SKAP2: variants seen among roughly 807,000 people sequenced by gnomAD.
SKAP2 encodes the protein src kinase-associated phosphoprotein 2.
Under a neutral mutation model 54.9 loss-of-function variants are expected in SKAP2, and 28 were observed. The observed-to-expected ratio is 0.51, with a 90% CI of 0.38 to 0.70. The LOEUF is 0.70. Ranked by LOEUF, SKAP2 falls within the 30% of genes least tolerant of loss-of-function variation. The pLI is 0.00. For synonymous variants in SKAP2, 137 were observed against 134.3 expected, an observed-to-expected ratio of 1.02 and a Z score of -0.14; for missense variants, 356 against 424.1, an observed-to-expected ratio of 0.84 and a Z score of 1.41.
intron 6 of SKAP2, among the ~76,000 whole-genome samples, chr7:26,731,635 C>T (rs907393949): frequency 1.3e-5 from 2 of 152,166 alleles, no homozygotes; most frequent in East Asian, 1.9e-4. Context: ...GTCCTATAGG[C>T]TCATTGAATA....
chr7:26,784,125 CA>C (rs376577431), intron 4 of SKAP2, among the ~76,000 whole-genome samples: 8,367 of 138,704 alleles, frequency 0.06, 322 homozygotes, highest in Non-Finnish European at 0.089. Flanking sequence ...AGGGACATTC[CA>C]AAAAAAAAAA....
chr7:26,678,692 C>T (rs1024079949), intron 11 of SKAP2, among the ~76,000 whole-genome samples: 4 of 152,066 alleles, frequency 2.6e-5, no homozygotes, highest in African/African-American at 9.7e-5. Flanking sequence ...CCTCCTGCCT[C>T]GGCCTCCCAA....
chr7:26,814,124 G>C lies in SKAP2; in HGVS notation c.307+29906C>G, dbSNP rs3823937. ...ATTTACTAATTAAAAATATTTATAA[G>C]AGTACATTTTTGTTTAACAAAAGCA... On this transcript the variant is annotated intron_variant, in intron 4 of 12. Coordinates refer to ENST00000345317, the MANE Select transcript of SKAP2 (RefSeq NM_003930.5). 2.1e-3 allele frequency among the ~76,000 whole-genome samples: 308 copies of C among 147,864 alleles called. 7 individuals are homozygous for C. The East Asian group carries it at 0.045, about 22-fold the overall frequency.
intron 4 of SKAP2, among the ~76,000 whole-genome samples, chr7:26,833,287 T>G (rs2127992990): frequency 6.6e-6 from 1 of 151,238 alleles, no homozygotes; most frequent in East Asian, 2.0e-4. Context: ...TCCCAGCTAC[T>G]CAGGAGGCTG....
intron 4 of SKAP2, among the ~76,000 whole-genome samples, chr7:26,801,838 T>G (rs1450161851): frequency 6.6e-6 from 1 of 152,118 alleles, no homozygotes; most frequent in Non-Finnish European, 1.5e-5. Context: ...AAAATACTTA[T>G]AAAGAAAATT....
chr7:26,710,410 G>A lies in SKAP2; in HGVS notation c.796+15018C>T, dbSNP rs556231822. 6.1e-4 allele frequency among the ~76,000 whole-genome samples: 93 copies of A among 152,320 alleles called. 1 individual carries two copies. Among genetic ancestry groups the A allele is most frequent in the African/African-American group, 2.2e-3 (92 of 41,578 alleles). Reference sequence around the variant, plus strand: ...GTTTAGAGAAGCTCAGAGAAGCAGAGGTCACTTCATGCTGGGATGGCTCTT... The same window carrying A: ...GTTTAGAGAAGCTCAGAGAAGCAGAAGTCACTTCATGCTGGGATGGCTCTT... On this transcript the variant is annotated intron_variant, in intron 9 of 12. Coordinates refer to ENST00000345317, the MANE Select transcript of SKAP2 (RefSeq NM_003930.5).
chr7:26,733,752 T>C (rs1787867893), intron 6 of SKAP2, among the ~76,000 whole-genome samples: 1 of 152,202 alleles, frequency 6.6e-6, no homozygotes, highest in South Asian at 2.1e-4. Flanking sequence ...TACGGACTTT[T>C]ATTATATATT....
At chr7:26,774,086 G>A (rs1275823465) in intron 4 of SKAP2, among the ~76,000 whole-genome samples, 2 of 152,142 alleles carry the variant, frequency 1.3e-5, no homozygotes, top group Non-Finnish European at 2.9e-5. Context: ...GCCGAGGTGG[G>A]TGGATCACTT....
chr7:26,763,285 G>A (rs1782973249), intron 4 of SKAP2, among the ~76,000 whole-genome samples: 1 of 151,932 alleles, frequency 6.6e-6, no homozygotes, highest in Non-Finnish European at 1.5e-5. Flanking sequence ...TGATCTAGTA[G>A]CACCATAAAT....
At chr7:26,702,661 T>C (rs1787064346) in intron 9 of SKAP2, among the ~76,000 whole-genome samples, 1 of 152,164 alleles carries the variant, frequency 6.6e-6, no homozygotes, top group Non-Finnish European at 1.5e-5. Flanking sequence ...CACTCAGTCT[T>C]ACTCCCTTGT....
At chr7:26,811,995 G>A (rs1784156138) in intron 4 of SKAP2, among the ~76,000 whole-genome samples, 1 of 152,072 alleles carries the variant, frequency 6.6e-6, no homozygotes, top group African/African-American at 2.4e-5. Context: ...TTTATTTGCA[G>A]GCATGTTAAT....
At chr7:26,733,495 A>AT in intron 6 of SKAP2, among the ~76,000 whole-genome samples, 1 of 152,242 alleles carries the variant, frequency 6.6e-6, no homozygotes, top group East Asian at 1.9e-4. Flanking sequence ...TTATACAAAT[A>AT]TAAGTACTGT....
intron 1 of SKAP2, chr7:26,857,578 A>G (rs1785197832): frequency 2.8e-5 from 28 of 985,296 alleles, no homozygotes; most frequent in Non-Finnish European, 3.3e-5. Context: ...AGACAGACCA[A>G]GCGCCGCAAA....
At chr7:26,835,249 G>A (rs1043311374) in intron 4 of SKAP2, among the ~76,000 whole-genome samples, 2 of 152,106 alleles carry the variant, frequency 1.3e-5, no homozygotes, top group Admixed American at 1.3e-4. Context: ...CATACTGAAT[G>A]GGCAAAAGCT....
chr7:26,823,914 C>T (rs1784435992), intron 4 of SKAP2, among the ~76,000 whole-genome samples: 1 of 152,164 alleles, frequency 6.6e-6, no homozygotes. Flanking sequence ...GGATCTACTC[C>T]TGATGAAGAT....
At chr7:26,721,894 CAA>C (rs897917532) in intron 9 of SKAP2, among the ~76,000 whole-genome samples, 2 of 152,138 alleles carry the variant, frequency 1.3e-5, no homozygotes, top group African/African-American at 4.8e-5. Flanking sequence ...CAAAATGAGA[CAA>C]AGACACTCCT....
chr7:26,833,528 T>C (rs1198041375), intron 4 of SKAP2, among the ~76,000 whole-genome samples: 1 of 151,984 alleles, frequency 6.6e-6, no homozygotes, highest in Non-Finnish European at 1.5e-5. Flanking sequence ...TGGAGGAATA[T>C]TTACCAAGCA....
chr7:26,819,645 T>C (rs1400195114), intron 4 of SKAP2, among the ~76,000 whole-genome samples: 4 of 152,144 alleles, frequency 2.6e-5, no homozygotes, highest in African/African-American at 9.7e-5. Flanking sequence ...TTAACACTAA[T>C]CACGTTCTGA....
intron 10 of SKAP2, among the ~76,000 whole-genome samples, chr7:26,690,077 T>C (rs1786748706): frequency 6.6e-6 from 1 of 152,210 alleles, no homozygotes. Flanking sequence ...GAATACCTTG[T>C]ATAAATTGGC....
Sources: allele counts gnomAD v4.1 joint callset (sites outside exome capture counted in the v4.1 genomes callset), GRCh38; gene constraint gnomAD v4.1.1; transcripts MANE v1.5; gene names NCBI Gene and HGNC (gene_info 2026-07-23, HGNC 2026-07-21).